PCYT1A: variants seen among roughly 807,000 people sequenced by gnomAD.
PCYT1A encodes the protein choline-phosphate cytidylyltransferase A.
Under a neutral mutation model 43.7 loss-of-function variants are expected in PCYT1A, and 25 were observed. That is an observed-to-expected ratio of 0.57 (90% CI 0.42 to 0.80). The LOEUF (loss-of-function observed/expected upper bound fraction) is 0.80, where lower values mean the gene tolerates loss of function less well. Ranked by LOEUF, PCYT1A falls within the 30% of genes least tolerant of loss-of-function variation. The pLI is 0.00. For synonymous variants in PCYT1A, 172 were observed against 170.7 expected, an observed-to-expected ratio of 1.01 and a Z score of -0.06; for missense variants, 421 against 474.2, an observed-to-expected ratio of 0.89 and a Z score of 1.04.
At chr3:196,272,476 G>A (rs115026007) in intron 1 of PCYT1A, among the ~76,000 whole-genome samples, 9,422 of 152,150 alleles carry the variant, frequency 0.062, 409 homozygotes, top group Non-Finnish European at 0.098. Context: ...GAGCCATGGC[G>A]CCTAGCCAAT....
In PCYT1A at chr3:196,236,694, T is replaced by G. The variant is rs1027113817; in HGVS notation, c.*1994A>C. The G allele has an allele frequency of 6.6e-6, 1 of 152,118 alleles. No homozygotes were observed. Among genetic ancestry groups the G allele is most frequent in the Non-Finnish European group, 1.5e-5 (1 of 68,046 alleles). The allele number at this position is 152,118 out of a possible 1,614,324, so 9.4% of individuals were successfully genotyped here. ...TTTTTGTTTTGTTTTGGAGACAGAGTCTCGCTCTGTCACCCAGGCTGGACT... is the reference window on the plus strand; with the variant it reads ...TTTTTGTTTTGTTTTGGAGACAGAGGCTCGCTCTGTCACCCAGGCTGGACT... On this transcript the variant is annotated 3_prime_UTR_variant, in exon 9 of 9. Coordinates refer to ENST00000431016, the MANE Select transcript of PCYT1A (RefSeq NM_001312673.2).
At chr3:196,266,304 C>G (rs1051171046) in intron 2 of PCYT1A, among the ~76,000 whole-genome samples, 1 of 151,184 alleles carries the variant, frequency 6.6e-6, no homozygotes, top group African/African-American at 2.4e-5. Flanking sequence ...AACCCCGTCT[C>G]TACTAAAAAA....
At chr3:196,279,318 A>G (rs535388591) in intron 1 of PCYT1A, among the ~76,000 whole-genome samples, 3 of 129,008 alleles carry the variant, frequency 2.3e-5, no homozygotes, top group Non-Finnish European at 3.4e-5. Context: ...TGACAGCCAG[A>G]ATACAGCAAT....
intron 5 of PCYT1A, among the ~76,000 whole-genome samples, chr3:196,246,570 G>C (rs1326330073): frequency 6.6e-6 from 1 of 152,194 alleles, no homozygotes; most frequent in Non-Finnish European, 1.5e-5. Context: ...GAATTAAAAG[G>C]AGGTAAGGGG....
Position 196,266,061 on chromosome 3 carries a change from A to T in PCYT1A, c.117+4354T>A, listed in dbSNP as rs570298671. Among the ~76,000 whole-genome samples, 1,458 of 151,476 alleles carry T rather than the reference A, an allele frequency of 9.6e-3. 21 individuals are homozygous for T. The highest frequency in any genetic ancestry group is 0.034 in the African/African-American group (1,400 of 41,368). ...GCCTGCAAGTGCCCATTAAAAAAAAATAAATAAACTAATGAGCTCTAGGCT... is the reference window on the plus strand; with the variant it reads ...GCCTGCAAGTGCCCATTAAAAAAAATTAAATAAACTAATGAGCTCTAGGCT... On this transcript the variant is annotated intron_variant, in intron 2 of 8. Transcript: ENST00000431016.
intron 3 of PCYT1A, among the ~76,000 whole-genome samples, chr3:196,249,981 A>G (rs1278911985): frequency 6.8e-6 from 1 of 148,040 alleles, no homozygotes; most frequent in African/African-American, 2.5e-5. Context: ...TACCACATAC[A>G]CTATGCTGAG....
At chr3:196,274,038 G>T (rs1406165880) in intron 1 of PCYT1A, among the ~76,000 whole-genome samples, 1 of 152,260 alleles carries the variant, frequency 6.6e-6, no homozygotes, top group Admixed American at 6.5e-5. Context: ...AATCCAGAGG[G>T]GGCCAAGGCA....
chr3:196,241,818 G>T, intron 7 of PCYT1A, 130 bp downstream of exon 7: 1 of 1,220,040 alleles, frequency 8.2e-7, no homozygotes, highest in Non-Finnish European at 1.2e-6. Flanking sequence ...TTAACATAGT[G>T]GTAATTCATT....
chr3:196,242,281 G>A lies in PCYT1A; in HGVS notation c.566-191C>T, dbSNP rs1004478862. ...CAAAGGCCAGAGGTAAGGCAAAGAA[G>A]AGTTACATAGCCCTAATATTAAGAA... On this transcript the variant is annotated intron_variant, in intron 6 of 8. Coordinates refer to ENST00000431016, the MANE Select transcript of PCYT1A (RefSeq NM_001312673.2). This position sits in a 1 kb window ranked among gnomAD's most constrained non-coding sequence, Gnocchi z 4.2. 3.6e-5 allele frequency: 23 copies of A among 646,966 alleles called. No homozygotes were observed. The highest frequency in any genetic ancestry group is 4.1e-4 in the Middle Eastern group (1 of 2,462). The allele number at this position is 646,966 out of a possible 1,614,324, so 40.1% of individuals were successfully genotyped here. A position where few individuals can be genotyped will look rare whatever the true frequency, so the allele number is the denominator to read the frequency against.
At chr3:196,284,980 A>G (rs527326175) in intron 1 of PCYT1A, among the ~76,000 whole-genome samples, 1 of 152,326 alleles carries the variant, frequency 6.6e-6, no homozygotes, top group East Asian at 1.9e-4. Flanking sequence ...TTTAGCCAAG[A>G]AAAGGCTATC....
intron 3 of PCYT1A, among the ~76,000 whole-genome samples, chr3:196,254,600 C>G (rs769951873): frequency 2.6e-5 from 4 of 152,152 alleles, no homozygotes; most frequent in Admixed American, 1.3e-4. Flanking sequence ...ATCCTTCTGC[C>G]TTGGCCTCCC....
At chr3:196,280,570 G>GTTTTTTTTTTTTTTTTTTTT in intron 1 of PCYT1A, among the ~76,000 whole-genome samples, 33 of 91,332 alleles carry the variant, frequency 3.6e-4, no homozygotes, top group Non-Finnish European at 4.8e-4. Context: ...TATTTTTATT[G>GTTTTTTTTTTTTTTTTTTTT]TTTTTTTTTT....
chr3:196,265,703 GCTTGAGC>G (rs1725246060), intron 2 of PCYT1A, among the ~76,000 whole-genome samples: 2 of 151,916 alleles, frequency 1.3e-5, no homozygotes, highest in Admixed American at 6.5e-5. Context: ...TGGGCGGATA[GCTTGAGC>G]CCAGGGCAAC....
chr3:196,285,711 C>T (rs1049973772), intron 1 of PCYT1A, among the ~76,000 whole-genome samples: 1 of 152,070 alleles, frequency 6.6e-6, no homozygotes, highest in Non-Finnish European at 1.5e-5. Context: ...ATGTGGCATC[C>T]CAATCACCAT....
intron 3 of PCYT1A, among the ~76,000 whole-genome samples, chr3:196,254,840 A>G (rs943019697): frequency 2.6e-5 from 4 of 152,156 alleles, no homozygotes; most frequent in Admixed American, 2.6e-4. Flanking sequence ...TTACTCTCCC[A>G]AATACCTACC....
At chr3:196,278,170 C>T (rs576683306) in intron 1 of PCYT1A, among the ~76,000 whole-genome samples, 6 of 152,270 alleles carry the variant, frequency 3.9e-5, no homozygotes, top group African/African-American at 1.4e-4. Flanking sequence ...ATCCTAACAT[C>T]GTGTTGGCTT....
In PCYT1A at chr3:196,244,415, G is replaced by T. The variant is rs560980602; in HGVS notation, c.487-1775C>A. 8.6e-5 allele frequency among the ~76,000 whole-genome samples: 13 copies of T among 151,180 alleles called. No individual in the cohort carries two copies. The South Asian group carries it at 2.7e-3, about 32-fold the overall frequency. On this transcript the variant is annotated intron_variant, in intron 5 of 8. Transcript: ENST00000431016. ...GAGATGTGGGGAGCGCCACTGCCCC[G>T]CCGCCCCGTTTGGGATGTGAGGAGC...
intron 1 of PCYT1A, among the ~76,000 whole-genome samples, chr3:196,281,595 A>G (rs1305891850): frequency 6.6e-6 from 1 of 152,176 alleles, no homozygotes. Context: ...TGCAAACCCT[A>G]AACTATTTAC....
Position 196,247,744 on chromosome 3 carries a change from G to C in PCYT1A, c.335-226C>G. 1 of 672,848 alleles carries C rather than the reference G, an allele frequency of 1.5e-6. No individual in the cohort carries two copies. The highest frequency in any genetic ancestry group is 1.5e-5 in the South Asian group (1 of 66,216). 41.7% of individuals were successfully genotyped at this position (672,848 alleles called of 1,614,324 possible). A position where few individuals can be genotyped will look rare whatever the true frequency, so the allele number is the denominator to read the frequency against. On this transcript the variant is annotated intron_variant, in intron 4 of 8. Coordinates refer to ENST00000431016, the MANE Select transcript of PCYT1A (RefSeq NM_001312673.2). This position sits in a 1 kb window ranked among gnomAD's most constrained non-coding sequence, Gnocchi z 4.8. ...AACAGTATGTTCATACTTTGGAGAA[G>C]GGACAGTACAACAGGTGACCAAGAT...
Sources: allele counts gnomAD v4.1 joint callset (sites outside exome capture counted in the v4.1 genomes callset), GRCh38; gene constraint gnomAD v4.1.1; non-coding constraint Gnocchi (gnomAD v3.1); transcripts MANE v1.5; gene names NCBI Gene and HGNC (gene_info 2026-07-23, HGNC 2026-07-21).